ACTR3C: variants seen among roughly 807,000 people sequenced by gnomAD.
The protein encoded by ACTR3C is actin related protein 3C, also known as actin-related protein 3C.
In ACTR3C, 18 loss-of-function variants were observed where a neutral mutation model predicts 26.3. The observed-to-expected ratio is 0.68, with a 90% confidence interval of 0.47 to 1.01. ACTR3C has a LOEUF of 1.01. Ranked by LOEUF, ACTR3C falls within the 50% of genes least tolerant of loss-of-function variation. ACTR3C has a pLI of 0.00. For missense variants in ACTR3C, 184 were observed against 250.7 expected (o/e 0.73, Z 1.80); for synonymous variants, 55 against 94.5 (o/e 0.58, Z 2.42).
chr7:150,128,036 C>T, the ACTR3C span, among the ~76,000 whole-genome samples: 5 of 144,686 alleles, frequency 3.5e-5, no homozygotes, highest in African/African-American at 1.4e-4. Context: ...TAACAAATTA[C>T]CTGATCAAAT....
the ACTR3C span, among the ~76,000 whole-genome samples, chr7:150,176,285 T>C: frequency 6.6e-6 from 1 of 150,776 alleles, no homozygotes. Context: ...TTTTTTTATT[T>C]CCTTGGGTCT....
At chr7:150,298,275 A>C (rs1460833338) in intron 1 of ACTR3C, among the ~76,000 whole-genome samples, 1 of 150,310 alleles carries the variant, frequency 6.7e-6, no homozygotes, top group East Asian at 1.9e-4. Flanking sequence ...CCAAGAACAC[A>C]CACCCAATAC....
chr7:150,036,236 C>T, the ACTR3C span, among the ~76,000 whole-genome samples: 2 of 146,956 alleles, frequency 1.4e-5, no homozygotes, highest in East Asian at 1.9e-4. Context: ...AATGGGGGGC[C>T]TTTATGTTCA....
At chr7:150,057,587 G>A in the ACTR3C span, among the ~76,000 whole-genome samples, 5 of 152,050 alleles carry the variant, frequency 3.3e-5, no homozygotes, top group African/African-American at 1.2e-4. Flanking sequence ...TGCCCAGCCA[G>A]TACTCACTTT....
chr7:150,179,112 C>T, the ACTR3C span, among the ~76,000 whole-genome samples: 1 of 145,562 alleles, frequency 6.9e-6, no homozygotes, highest in Non-Finnish European at 1.5e-5. Flanking sequence ...AACTTTAATA[C>T]AGTCATTGAC....
At chr7:150,119,211 T>C in the ACTR3C span, among the ~76,000 whole-genome samples, 1 of 152,166 alleles carries the variant, frequency 6.6e-6, no homozygotes, top group Non-Finnish European at 1.5e-5. Flanking sequence ...ACCATCATAA[T>C]GACAGGATCA....
chr7:149,896,034 C>CAAAAAAAAA, the ACTR3C span, among the ~76,000 whole-genome samples: 22 of 83,052 alleles, frequency 2.6e-4, no homozygotes, highest in African/African-American at 3.8e-4. Flanking sequence ...CCTGTCTCTA[C>CAAAAAAAAA]AAAAAAAAAA....
chr7:149,888,965 G>A, the ACTR3C span, among the ~76,000 whole-genome samples: 9 of 151,544 alleles, frequency 5.9e-5, no homozygotes, highest in South Asian at 8.3e-4. Flanking sequence ...CTGAGATCAC[G>A]CCACTGCACT....
the ACTR3C span, among the ~76,000 whole-genome samples, chr7:149,930,905 G>A: frequency 1.3e-5 from 2 of 152,090 alleles, no homozygotes; most frequent in Admixed American, 1.3e-4. Flanking sequence ...TCACTCTGTC[G>A]CTCAGGCTAG....
chr7:150,089,235 T>C, the ACTR3C span, among the ~76,000 whole-genome samples: 1 of 152,250 alleles, frequency 6.6e-6, no homozygotes, highest in Admixed American at 6.5e-5. Context: ...AACTGCCTAT[T>C]GTGCAATGGA....
the ACTR3C span, chr7:149,909,660 A>G: frequency 2.2e-6 from 1 of 450,030 alleles, no homozygotes. Context: ...ATGAAGGAAT[A>G]ATGAACTGGG....
At chr7:150,214,816 A>G in the ACTR3C span, among the ~76,000 whole-genome samples, 3 of 151,658 alleles carry the variant, frequency 2.0e-5, no homozygotes, top group African/African-American at 7.3e-5. Flanking sequence ...TACAGTACAT[A>G]CAGGGAACTA....
chr7:150,083,498 T>C, the ACTR3C span, among the ~76,000 whole-genome samples: 2 of 151,966 alleles, frequency 1.3e-5, no homozygotes, highest in African/African-American at 4.8e-5. Context: ...GTTTAGGAGG[T>C]TGAGGCTGCA....
At chr7:150,131,373 T>G in the ACTR3C span, among the ~76,000 whole-genome samples, 1 of 151,678 alleles carries the variant, frequency 6.6e-6, no homozygotes, top group Non-Finnish European at 1.5e-5. Flanking sequence ...TATTAAAGCT[T>G]AAAAGCAAAG....
the ACTR3C span, among the ~76,000 whole-genome samples, chr7:149,947,954 C>T: frequency 1.3e-5 from 2 of 151,844 alleles, no homozygotes; most frequent in Non-Finnish European, 2.9e-5. Context: ...GTTATACACA[C>T]GTAAGCACAC....
At chr7:150,100,781 G>C in the ACTR3C span, among the ~76,000 whole-genome samples, 1 of 151,286 alleles carries the variant, frequency 6.6e-6, no homozygotes, top group Middle Eastern at 3.4e-3. Context: ...TTGGCTCACT[G>C]TAACCTCCCC....
At chr7:150,256,136 G>C (rs958188456) in intron 6 of ACTR3C, among the ~76,000 whole-genome samples, 3 of 152,220 alleles carry the variant, frequency 2.0e-5, no homozygotes, top group Non-Finnish European at 4.4e-5. Context: ...GTATTCCATG[G>C]AGTGTACGTA....
At chr7:150,097,781 A>G in the ACTR3C span, among the ~76,000 whole-genome samples, 70 of 151,622 alleles carry the variant, frequency 4.6e-4, 3 homozygotes, top group African/African-American at 1.7e-3. Flanking sequence ...GGCCACAGGC[A>G]GAGGCAGGGT....
chr7:150,256,576 A>T (rs1335899893), intron 6 of ACTR3C, among the ~76,000 whole-genome samples: 1 of 152,216 alleles, frequency 6.6e-6, no homozygotes, highest in African/African-American at 2.4e-5. Context: ...GGACACAAAG[A>T]TGGGACCAAT....
Sources: gnomAD v4.1 joint callset for allele counts (sites outside exome capture counted in the v4.1 genomes callset) on GRCh38, gnomAD v4.1.1 for gene constraint, MANE v1.5 for transcripts, NCBI Gene and HGNC (gene_info 2026-07-23, HGNC 2026-07-21) for gene names.